Variants in UST observed in about 807,000 individuals in gnomAD.
UST encodes the protein uronyl 2-sulfotransferase.
UST carries 21 observed loss-of-function variants against 45.6 expected under a neutral mutation model. The observed-to-expected ratio is 0.46, with a 90% CI of 0.33 to 0.66. UST has a LOEUF of 0.66. UST is among the 30% of genes least tolerant of loss of function. The pLI, the probability that UST is intolerant of heterozygous loss-of-function variation, is 0.02. For synonymous variants in UST, 215 were observed against 200.6 expected, an observed-to-expected ratio of 1.07 and a Z score of -0.61; for missense variants, 463 against 512.4, an observed-to-expected ratio of 0.90 and a Z score of 0.93.
chr6:148,972,073 C>G (rs1295012963), intron 5 of UST, among the ~76,000 whole-genome samples: 3 of 152,156 alleles, frequency 2.0e-5, no homozygotes, highest in African/African-American at 7.2e-5. Context: ...TGCTGTGCTT[C>G]CAGTTGCTTG....
At position 148,790,999 on chromosome 6, in the gene UST, G is replaced by A. The variant is rs1776835839; in HGVS notation, c.247+43322G>A. ...GTTAGTGAAACCTCGCAACACATCAGTGACCAGGGTTACAGTTCGCTGACT... is the reference window on the plus strand; with the variant it reads ...GTTAGTGAAACCTCGCAACACATCAATGACCAGGGTTACAGTTCGCTGACT... On this transcript the variant is annotated intron_variant, in intron 1 of 7. Coordinates refer to ENST00000367463, the MANE Select transcript of UST (RefSeq NM_005715.3). This position sits in a 1 kb window ranked among gnomAD's most constrained non-coding sequence, Gnocchi z 4.2. Among the ~76,000 whole-genome samples the A allele has an allele frequency of 6.6e-6, 1 of 152,228 alleles. No individual in the cohort carries two copies. Among genetic ancestry groups the A allele is most frequent in the Non-Finnish European group, 1.5e-5 (1 of 68,048 alleles).
At chr6:148,852,816 C>T (rs1281090747) in intron 1 of UST, among the ~76,000 whole-genome samples, 2 of 152,176 alleles carry the variant, frequency 1.3e-5, no homozygotes, top group Non-Finnish European at 2.9e-5. Context: ...CACTGCTTTC[C>T]TATCTCCAAA....
chr6:148,863,733 C>G (rs1308752731), intron 1 of UST, among the ~76,000 whole-genome samples: 1 of 152,204 alleles, frequency 6.6e-6, no homozygotes, highest in Non-Finnish European at 1.5e-5. Flanking sequence ...AGTCAGGACC[C>G]TCAGCTGCAG....
At chr6:149,007,996 A>C (rs1191041497) in intron 5 of UST, among the ~76,000 whole-genome samples, 1 of 152,190 alleles carries the variant, frequency 6.6e-6, no homozygotes, top group African/African-American at 2.4e-5. Context: ...CTGTTGCTGC[A>C]GTACGGTTAG....
intron 5 of UST, among the ~76,000 whole-genome samples, chr6:148,994,118 C>T (rs1470335350): frequency 6.6e-6 from 1 of 151,946 alleles, no homozygotes; most frequent in East Asian, 1.9e-4. Context: ...TACAGGCATG[C>T]ACCAGCACGC....
In UST at chr6:149,074,261, G is replaced by A; in HGVS notation, c.*145G>A. ...CCACATGTTGGGGTCATTGGGAGATGCCCGGTTTTGCGGGTTTTATTTGTT... is the reference window on the plus strand; with the variant it reads ...CCACATGTTGGGGTCATTGGGAGATACCCGGTTTTGCGGGTTTTATTTGTT... On this transcript the variant is annotated 3_prime_UTR_variant, in exon 8 of 8. Transcript: ENST00000367463. 2 of 879,294 alleles carry A rather than the reference G, an allele frequency of 2.3e-6. No individual in the cohort carries two copies. Among genetic ancestry groups the A allele is most frequent in the South Asian group, 1.8e-5 (1 of 54,846 alleles). 54.5% of individuals were successfully genotyped at this position (879,294 alleles called of 1,614,324 possible).
chr6:148,789,624 A>G (rs1776801143), intron 1 of UST, among the ~76,000 whole-genome samples: 2 of 152,026 alleles, frequency 1.3e-5, no homozygotes, highest in Admixed American at 6.6e-5. Flanking sequence ...ATCTCAGTTC[A>G]CTGCAGCTTC....
intron 1 of UST, among the ~76,000 whole-genome samples, chr6:148,785,005 T>C (rs1776709667): frequency 6.6e-6 from 1 of 151,828 alleles, no homozygotes; most frequent in South Asian, 2.1e-4. Flanking sequence ...AGCTCAGGAG[T>C]TGCAACCAGT....
At chr6:148,811,245 T>C (rs545256201) in intron 1 of UST, among the ~76,000 whole-genome samples, 2 of 152,292 alleles carry the variant, frequency 1.3e-5, no homozygotes, top group East Asian at 3.9e-4. Context: ...CACCTGTACA[T>C]GGTCCTTCAT....
chr6:148,948,544 C>T (rs1780294215), intron 3 of UST, among the ~76,000 whole-genome samples: 1 of 152,164 alleles, frequency 6.6e-6, no homozygotes, highest in Admixed American at 6.5e-5. Context: ...TCTTTCATTA[C>T]ATAGTTATCT....
intron 2 of UST, among the ~76,000 whole-genome samples, chr6:148,930,569 C>T (rs940484836): frequency 6.6e-6 from 1 of 152,194 alleles, no homozygotes; most frequent in Non-Finnish European, 1.5e-5. Context: ...AGCCTAAGTT[C>T]ATACGATGGT....
chr6:148,927,076 T>C (rs1779827607), intron 2 of UST, among the ~76,000 whole-genome samples: 1 of 152,108 alleles, frequency 6.6e-6, no homozygotes, highest in Non-Finnish European at 1.5e-5. Flanking sequence ...TGGAGCATGG[T>C]AAGAATTCAT....
intron 5 of UST, among the ~76,000 whole-genome samples, chr6:148,969,875 G>C (rs1780879653): frequency 6.6e-6 from 1 of 152,154 alleles, no homozygotes; most frequent in Non-Finnish European, 1.5e-5. Context: ...TTTGATCCCA[G>C]CCCGCTGGCA....
At chr6:148,922,406 A>G (rs1029768137) in intron 2 of UST, among the ~76,000 whole-genome samples, 3 of 151,914 alleles carry the variant, frequency 2.0e-5, no homozygotes, top group African/African-American at 7.3e-5. Context: ...AATGTTTTCG[A>G]GGTCTGTCCA....
chr6:148,975,979 T>C (rs1321912231), intron 5 of UST, among the ~76,000 whole-genome samples: 2 of 152,180 alleles, frequency 1.3e-5, no homozygotes, highest in African/African-American at 2.4e-5. Context: ...AAAGGCATTA[T>C]AGGCAACATT....
At chr6:148,914,000 C>T (rs1489250786) in intron 2 of UST, among the ~76,000 whole-genome samples, 1 of 152,100 alleles carries the variant, frequency 6.6e-6, no homozygotes, top group Non-Finnish European at 1.5e-5. Flanking sequence ...AGCCTTTGGG[C>T]AGTGATTAGT....
At chr6:148,926,245 C>A (rs1179770382) in intron 2 of UST, among the ~76,000 whole-genome samples, 1 of 152,190 alleles carries the variant, frequency 6.6e-6, no homozygotes, top group African/African-American at 2.4e-5. Context: ...AGACTTAGAA[C>A]TCTTTTCACT....
chr6:149,054,801 A>G (rs1358639967), intron 7 of UST, among the ~76,000 whole-genome samples: 5 of 152,112 alleles, frequency 3.3e-5, no homozygotes, highest in Non-Finnish European at 7.4e-5. Context: ...AAGGAGAGAC[A>G]TTTTTTATTT....
intron 7 of UST, among the ~76,000 whole-genome samples, chr6:149,069,871 G>A (rs952950871): frequency 2.0e-5 from 3 of 152,176 alleles, no homozygotes; most frequent in African/African-American, 7.2e-5. Context: ...AGTAAAATGT[G>A]ATTGGTATTT....
Sources: gnomAD v4.1 joint callset for allele counts (sites outside exome capture counted in the v4.1 genomes callset) on GRCh38, gnomAD v4.1.1 for gene constraint, Gnocchi (gnomAD v3.1) non-coding constraint, MANE v1.5 for transcripts, NCBI Gene and HGNC (gene_info 2026-07-23, HGNC 2026-07-21) for gene names.